Variants in KIF26B observed in about 807,000 individuals in gnomAD.
KIF26B encodes kinesin-like protein KIF26B.
In KIF26B, 63 loss-of-function variants were observed where a neutral mutation model predicts 151.2. That is an observed-to-expected ratio of 0.42 (90% CI 0.34 to 0.51). The LOEUF is 0.51. Ranked by LOEUF, KIF26B falls within the 20% of genes least tolerant of loss-of-function variation. KIF26B has a pLI of 0.07. For synonymous variants in KIF26B, 1,357 were observed against 1,262.1 expected (o/e 1.08, Z -1.59); for missense variants, 2,813 against 2,913.6 (o/e 0.97, Z 0.79).
intron 10 of KIF26B, among the ~76,000 whole-genome samples, chr1:245,674,499 A>G (rs6674082): frequency 0.59 from 89,023 of 152,058 alleles, 26,567 homozygotes; most frequent in East Asian, 0.82. Flanking sequence ...GCACATCTTC[A>G]TTTCATCTTT....
chr1:245,234,740 G>A (rs1670072148), intron 2 of KIF26B, among the ~76,000 whole-genome samples: 1 of 152,198 alleles, frequency 6.6e-6, no homozygotes, highest in African/African-American at 2.4e-5. Context: ...GCATTTCCTT[G>A]GTTTGGCTGA....
chr1:245,621,861 T>C (rs1189142218), intron 9 of KIF26B, among the ~76,000 whole-genome samples: 1 of 152,258 alleles, frequency 6.6e-6, no homozygotes, highest in Admixed American at 6.5e-5. Flanking sequence ...TTTTCCATTG[T>C]CTAAATGTGA....
At chr1:245,333,402 A>G (rs1414043742) in intron 2 of KIF26B, among the ~76,000 whole-genome samples, 1 of 152,204 alleles carries the variant, frequency 6.6e-6, no homozygotes, top group Non-Finnish European at 1.5e-5. Context: ...AGTGAAATTC[A>G]TAGAGACAAA....
chr1:245,543,701 G>A (rs1490682192), intron 5 of KIF26B, among the ~76,000 whole-genome samples: 2 of 152,212 alleles, frequency 1.3e-5, no homozygotes, highest in Admixed American at 6.5e-5. Context: ...TGTAATCCAA[G>A]CACTTTGGGA....
rs1449480563 is a variant in KIF26B at position 245,244,297 on chromosome 1, TCTAAAAGC to T, written c.465+87616_465+87623del. The stretch of plus-strand genomic sequence containing the variant: ...TTCTAAATATCATTCTATATGTTCT[TCTAAAAGC>T]CCATTTGTTCCATTACTCTGAAAGA... On this transcript the variant is annotated intron_variant, in intron 2 of 14. Coordinates refer to ENST00000407071, the MANE Select transcript of KIF26B (RefSeq NM_018012.4). The surrounding 1 kb of genome is among the most constrained non-coding windows in gnomAD (Gnocchi z 4.2). Among the ~76,000 whole-genome samples the T allele has an allele frequency of 6.6e-6, 1 of 152,138 alleles. No homozygotes were observed. The highest frequency in any genetic ancestry group is 2.4e-5 in the African/African-American group (1 of 41,422).
chr1:245,599,430 C>T (rs942811728), intron 5 of KIF26B, among the ~76,000 whole-genome samples: 6 of 152,208 alleles, frequency 3.9e-5, no homozygotes, highest in Admixed American at 1.3e-4. Flanking sequence ...GAAAATGAGC[C>T]GCAGGCTCGG....
chr1:245,576,300 TG>T (rs1396013992), intron 5 of KIF26B, among the ~76,000 whole-genome samples: 2 of 152,142 alleles, frequency 1.3e-5, no homozygotes, highest in African/African-American at 4.8e-5. Flanking sequence ...GAAGTGTCAT[TG>T]TTGGTGGTTT....
intron 3 of KIF26B, among the ~76,000 whole-genome samples, chr1:245,399,834 G>A (rs1673951465): frequency 6.6e-6 from 1 of 152,164 alleles, no homozygotes; most frequent in South Asian, 2.1e-4. Flanking sequence ...ACACTCGCAG[G>A]CTATCATACA....
At position 245,479,428 on chromosome 1, in the gene KIF26B, G is replaced by A. The variant is rs527255591; in HGVS notation, c.1166+59683G>A. ...TCTTAGAGGCATATGCATCAATATCGTGTGAAGTCTTTTTTGTTAGCTCTT... is the reference window on the plus strand; with the variant it reads ...TCTTAGAGGCATATGCATCAATATCATGTGAAGTCTTTTTTGTTAGCTCTT... On this transcript the variant is annotated intron_variant, in intron 4 of 14. Coordinates refer to ENST00000407071, the MANE Select transcript of KIF26B (RefSeq NM_018012.4). Among the ~76,000 whole-genome samples the A allele has an allele frequency of 3.6e-4, 54 of 151,920 alleles. 2 individuals carry two copies. In the South Asian group the frequency reaches 6.3e-3, roughly 18 times the overall value.
chr1:245,193,732 C>G (rs926357759), intron 2 of KIF26B, among the ~76,000 whole-genome samples: 1 of 152,150 alleles, frequency 6.6e-6, no homozygotes, highest in Non-Finnish European at 1.5e-5. Flanking sequence ...AGTGGAGAAG[C>G]CCATGTTCAA....
Position 245,279,923 on chromosome 1 carries a change from A to G in KIF26B, c.466-86911A>G, listed in dbSNP as rs573532170. ...CTTTAGCTTCATTGATTTGGCTGCT[A>G]TGTAAGCTTCATTGATTTGGCTGCT... On this transcript the variant is annotated intron_variant, in intron 2 of 14. Coordinates refer to ENST00000407071, the MANE Select transcript of KIF26B (RefSeq NM_018012.4). Among the ~76,000 whole-genome samples, 132 of 152,002 alleles carry G rather than the reference A, an allele frequency of 8.7e-4. 1 individual carries two copies. In the South Asian group the frequency reaches 0.027, roughly 31 times the overall value.
intron 2 of KIF26B, among the ~76,000 whole-genome samples, chr1:245,234,092 G>C (rs1370906849): frequency 6.6e-6 from 1 of 151,978 alleles, no homozygotes; most frequent in Non-Finnish European, 1.5e-5. Context: ...GCTGAGGCAG[G>C]AGAATTGCTT....
intron 10 of KIF26B, among the ~76,000 whole-genome samples, chr1:245,652,927 GC>G (rs1373985115): frequency 6.6e-6 from 1 of 152,184 alleles, no homozygotes; most frequent in Non-Finnish European, 1.5e-5. Flanking sequence ...AAATTGGAAG[GC>G]GTCTTCCTTT....
intron 2 of KIF26B, among the ~76,000 whole-genome samples, chr1:245,254,253 A>G (rs1304905834): frequency 6.6e-6 from 1 of 152,162 alleles, no homozygotes; most frequent in African/African-American, 2.4e-5. Context: ...TAGGTTGCAT[A>G]TGTCCCATGG....
chr1:245,192,868 A>G (rs4658723), intron 2 of KIF26B, among the ~76,000 whole-genome samples: 131,910 of 152,298 alleles, frequency 0.87, 57,322 homozygotes, highest in East Asian at 0.92. Context: ...CATCACCTCA[A>G]TAGTGAACAT....
chr1:245,559,967 G>A (rs1475858744), intron 5 of KIF26B, among the ~76,000 whole-genome samples: 3 of 150,980 alleles, frequency 2.0e-5, no homozygotes, highest in Non-Finnish European at 2.9e-5. Context: ...CGTGCCTCCC[G>A]TGCCTCCCTG....
At chr1:245,632,713 G>C (rs1285958280) in intron 9 of KIF26B, among the ~76,000 whole-genome samples, 1 of 152,158 alleles carries the variant, frequency 6.6e-6, no homozygotes, top group African/African-American at 2.4e-5. Context: ...TTTGAGACCA[G>C]CCTGGGCAAC....
At chr1:245,554,807 G>T (rs1661981037) in intron 5 of KIF26B, among the ~76,000 whole-genome samples, 6 of 152,194 alleles carry the variant, frequency 3.9e-5, no homozygotes, top group Admixed American at 3.9e-4. Context: ...GCTGCATGCG[G>T]TTGCCCTGCA....
intron 2 of KIF26B, among the ~76,000 whole-genome samples, chr1:245,336,005 A>ACGCAGGGAAAGGAGG (rs1672221524): frequency 1.5e-5 from 1 of 67,408 alleles, no homozygotes; most frequent in African/African-American, 1.9e-4. Flanking sequence ...GGGAAAGGAG[A>ACGCAGGGAAAGGAGG]GTCCCACGCA....
Sources: allele counts gnomAD v4.1 joint callset (sites outside exome capture counted in the v4.1 genomes callset), GRCh38; gene constraint gnomAD v4.1.1; non-coding constraint Gnocchi (gnomAD v3.1); transcripts MANE v1.5; gene names NCBI Gene and HGNC (gene_info 2026-07-23, HGNC 2026-07-21).